The following PACS2 variants were observed in gnomAD, a reference collection of about 807,000 sequenced individuals.
PACS2 encodes PACS1-like protein.
Under a neutral mutation model 113.0 loss-of-function variants are expected in PACS2, and 36 were observed. The ratio of observed to expected loss-of-function variants is 0.32; its 90% CI spans 0.24 to 0.42. The LOEUF (loss-of-function observed/expected upper bound fraction) is 0.42. PACS2 is among the 10% of genes least tolerant of loss of function. PACS2 has a pLI of 1.00. For missense variants in PACS2, 1,015 were observed against 1,239.5 expected (o/e 0.82, Z 2.72); for synonymous variants, 589 against 536.1 (o/e 1.10, Z -1.36).
At chr14:105,392,894 G>C (rs1555415365) in intron 23 of PACS2, 49 bp downstream of exon 23, 1 of 1,430,532 alleles carries the variant, frequency 7.0e-7, no homozygotes, top group East Asian at 2.3e-5. Context: ...GGGCGGCTCT[G>C]TGGGAGAGGG....
upstream of PACS2, among the ~76,000 whole-genome samples, chr14:105,310,159 T>G (rs1595525279): frequency 3.3e-5 from 5 of 152,170 alleles, no homozygotes; most frequent in South Asian, 1.0e-3. Context: ...GAATCTTTTG[T>G]AGCTTCTCTA....
At chr14:105,321,113 A>T (rs2140839935) in intron 1 of PACS2, among the ~76,000 whole-genome samples, 1 of 152,158 alleles carries the variant, frequency 6.6e-6, no homozygotes, top group South Asian at 2.1e-4. Flanking sequence ...AGATGGCGCC[A>T]CTGCAAAAAC....
intron 1 of PACS2, among the ~76,000 whole-genome samples, chr14:105,322,595 A>G (rs952644754): frequency 2.0e-5 from 3 of 152,204 alleles, no homozygotes; most frequent in Non-Finnish European, 4.4e-5. Context: ...TGCATAGTTA[A>G]TTGTATCTTT....
intron 1 of PACS2, among the ~76,000 whole-genome samples, chr14:105,321,058 C>T (rs1361963950): frequency 6.6e-6 from 1 of 152,194 alleles, no homozygotes; most frequent in Admixed American, 6.5e-5. Context: ...GAGGCTGAAG[C>T]AGGAGAATCA....
chr14:105,310,679 T>G (rs781478854), upstream of PACS2, among the ~76,000 whole-genome samples: 5 of 152,152 alleles, frequency 3.3e-5, no homozygotes, highest in Non-Finnish European at 5.9e-5. Context: ...CCCAGCCAGA[T>G]GGCGCCCGGC....
At chr14:105,389,824 C>T in intron 19 of PACS2, 137 bp from the exon 20 acceptor site, 1 of 789,876 alleles carries the variant, frequency 1.3e-6, no homozygotes. Context: ...ACACACAGGG[C>T]AGGGCTGTCC....
rs587601769 is a variant in PACS2 at position 105,329,880 on chromosome 14, G to A, written c.119+14843G>A. On this transcript the variant is annotated intron_variant, in intron 1 of 24. Coordinates refer to ENST00000447393, the MANE Select transcript of PACS2 (RefSeq NM_001100913.3). The surrounding 1 kb of genome is among the most constrained non-coding windows in gnomAD (Gnocchi z 6.4). ...CCTGGAACTCGAGCTGTGGTGTGGT[G>A]GTGCCAGCCCAGGAGCCAAGCACAG... 6.6e-6 allele frequency among the ~76,000 whole-genome samples: 1 copy of A among 152,206 alleles called. No individual in the cohort carries two copies. Among genetic ancestry groups the A allele is most frequent in the Non-Finnish European group, 1.5e-5 (1 of 68,034 alleles).
At chr14:105,363,141 T>G (rs1442897536) in intron 4 of PACS2, among the ~76,000 whole-genome samples, 1 of 152,218 alleles carries the variant, frequency 6.6e-6, no homozygotes, top group Admixed American at 6.5e-5. Flanking sequence ...CGACTTTGCA[T>G]AATTCTTAAG....
chr14:105,377,866 C>G (rs1002944513), intron 9 of PACS2, among the ~76,000 whole-genome samples: 1 of 152,216 alleles, frequency 6.6e-6, no homozygotes, highest in Non-Finnish European at 1.5e-5. Context: ...TCGCTGGGCT[C>G]GGGTGGAGGT....
At position 105,300,948 on chromosome 14, in the gene PACS2, G is replaced by T. The variant is rs587646776; in HGVS notation, c.-114G>T. 2.1e-3 allele frequency: 327 copies of T among 155,358 alleles called. 1 individual carries two copies. The highest frequency in any genetic ancestry group is 1.6e-3 in the Non-Finnish European group (110 of 70,030). The allele number at this position is 155,358 out of a possible 1,614,324, so 9.6% of individuals were successfully genotyped here. ...GTCGGAGGGGCGACCTGCGGGGGCT[G>T]GGCTTCGGCGGAACCCGAGCGGGGC... is the stretch of plus-strand genomic sequence containing the variant. On this transcript the variant is annotated 5_prime_UTR_variant, in exon 1 of 24. Coordinates refer to the PACS2 transcript ENST00000430725.
At position 105,330,446 on chromosome 14, in the gene PACS2, G is replaced by A. The variant is rs984186154; in HGVS notation, c.119+15409G>A. Among the ~76,000 whole-genome samples the A allele has an allele frequency of 6.6e-5, 10 of 152,302 alleles. No homozygotes were observed. In the South Asian group the frequency reaches 1.5e-3, roughly 22 times the overall value. ...ACTATAGTGATGTCCTGCCTTAGAC[G>A]AGGTCACACAGGGGAAGGTTACTGT... On this transcript the variant is annotated intron_variant, in intron 1 of 24. Coordinates refer to ENST00000447393, the MANE Select transcript of PACS2 (RefSeq NM_001100913.3). The surrounding 1 kb of genome is among the most constrained non-coding windows in gnomAD (Gnocchi z 6.9).
At chr14:105,386,222 G>A (rs782027519) in intron 19 of PACS2, among the ~76,000 whole-genome samples, 6 of 152,148 alleles carry the variant, frequency 3.9e-5, no homozygotes, top group Admixed American at 6.5e-5. Context: ...GCAGGGGCAC[G>A]GGTGCACGCC....
rs782672586 is a variant in PACS2 at position 105,355,197 on chromosome 14, T to G, written c.423+20T>G. On this transcript the variant is annotated intron_variant, in intron 4 of 24. Coordinates refer to ENST00000447393, the MANE Select transcript of PACS2 (RefSeq NM_001100913.3). This position sits in a 1 kb window ranked among gnomAD's most constrained non-coding sequence, Gnocchi z 4.1. ...GCTGAGGTGAGTGCTCCGTCTGGCG[T>G]GGCCTGCGTCGGGCTGGCCACCTGG... The G allele has an allele frequency of 6.2e-7, 1 of 1,609,302 alleles. No individual in the cohort carries two copies. The highest frequency in any genetic ancestry group is 1.1e-5 in the South Asian group (1 of 90,808).
rs200023287 is a variant in PACS2 at position 105,368,415 on chromosome 14, T to C, written c.661-44T>C. The C allele has an allele frequency of 4.3e-4, 624 of 1,467,176 alleles. 3 individuals are homozygous for C. The African/African-American group carries it at 7.7e-3, about 18-fold the overall frequency. 90.9% of individuals were successfully genotyped at this position (1,467,176 alleles called of 1,614,324 possible). ...GAGGCTGGCAGGGTCCTGCCAGCAC[T>C]ATGCAGGCTGCCGTGGCCTCAGCCA... On this transcript the variant is annotated intron_variant, in intron 6 of 24. Coordinates refer to ENST00000447393, the MANE Select transcript of PACS2 (RefSeq NM_001100913.3).
intron 11 of PACS2, 98 bp from the exon 12 acceptor site, chr14:105,380,859 G>T: frequency 8.1e-7 from 1 of 1,232,668 alleles, no homozygotes; most frequent in Non-Finnish European, 1.1e-6. Context: ...GCCTAGAGAG[G>T]CCTAAACCCT....
At chr14:105,343,279 C>G (rs1367035713) in intron 1 of PACS2, among the ~76,000 whole-genome samples, 1 of 152,226 alleles carries the variant, frequency 6.6e-6, no homozygotes, top group African/African-American at 2.4e-5. Context: ...GTGTGAAGGA[C>G]ATCGGGGTTT....
intron 1 of PACS2, among the ~76,000 whole-genome samples, chr14:105,334,694 G>A (rs1243536947): frequency 6.6e-6 from 1 of 150,654 alleles, no homozygotes; most frequent in Non-Finnish European, 1.5e-5. Flanking sequence ...CCACCTGAGG[G>A]CCAGTGTGTG....
In PACS2 at chr14:105,309,371, T is replaced by C. The variant is rs887565256; in HGVS notation, c.-83+8392T>C. Among the ~76,000 whole-genome samples, 6 of 152,220 alleles carry C rather than the reference T, an allele frequency of 3.9e-5. No individual in the cohort carries two copies. Among genetic ancestry groups the C allele is most frequent in the African/African-American group, 1.4e-4 (6 of 41,442 alleles). Reference sequence around the variant, plus strand: ...CACATATCTGAGAATTTCCCCATGTTGCTAAAACTGAGGCAGCGTTCCGTT... The same window carrying C: ...CACATATCTGAGAATTTCCCCATGTCGCTAAAACTGAGGCAGCGTTCCGTT... On this transcript the variant is annotated intron_variant, in intron 1 of 23. Coordinates refer to the PACS2 transcript ENST00000430725. The surrounding 1 kb of genome is among the most constrained non-coding windows in gnomAD (Gnocchi z 4.0).
At chr14:105,384,217 C>T (rs587719974) in intron 16 of PACS2, 136 bp from the exon 17 acceptor site, 75 of 603,884 alleles carry the variant, frequency 1.2e-4, no homozygotes, top group Admixed American at 2.3e-4. Flanking sequence ...CTTTCTCTTT[C>T]GGTGGCAGGA....
Sources: gnomAD v4.1 joint callset for allele counts (sites outside exome capture counted in the v4.1 genomes callset) on GRCh38, gnomAD v4.1.1 for gene constraint, Gnocchi (gnomAD v3.1) non-coding constraint, MANE v1.5 for transcripts, NCBI Gene and HGNC (gene_info 2026-07-23, HGNC 2026-07-21) for gene names.